Variants in PSG3 observed in about 807,000 individuals in gnomAD.
PSG3 encodes the protein pregnancy-specific beta-1-glycoprotein 3.
PSG3 carries 61 observed loss-of-function variants against 47.5 expected under a neutral mutation model. The observed-to-expected ratio is 1.28, with a 90% CI of 1.05 to 1.59. The LOEUF is 1.59. Ranked by LOEUF, PSG3 falls within the 40% of genes most tolerant of loss-of-function variation. PSG3 has a pLI of 0.00. For missense variants in PSG3, 756 were observed against 524.0 expected (o/e 1.44, Z -4.32); for synonymous variants, 263 against 198.4 (o/e 1.33, Z -2.74).
At position 42,738,872 on chromosome 19, in the gene PSG3, T is replaced by G. The variant is rs369481570; in HGVS notation, c.282A>C (p.Ala94=). 4.8e-5 allele frequency: 77 copies of G among 1,614,054 alleles called. 1 individual carries two copies. In the South Asian group the frequency reaches 6.4e-4, roughly 13 times the overall value. ...AATATACTGTTTCTCGTCCACTGTA[T>G]GCAGGCCCATATATAATTATTTGAC... ...VDGQIIIYGP[A]YSGRETVYSN... The change falls in exon 2 of 7, where the codon GCA becomes GCC. Residue 94 remains alanine, a synonymous_variant. Transcript: ENST00000327495.
Position 42,723,957 on chromosome 19 carries a change from A to T in PSG3, c.*25T>A. On this transcript the variant is annotated 3_prime_UTR_variant, in exon 6 of 7. Transcript: ENST00000327495. The stretch of plus-strand genomic sequence containing the variant: ...GTCATCATACCTGCCAGTCTTCCTG[A>T]AATACAGAAATGACATCACGGCTGC... The T allele has an allele frequency of 1.3e-6, 2 of 1,596,748 alleles. No individual in the cohort carries two copies. The highest frequency in any genetic ancestry group is 1.7e-6 in the Non-Finnish European group (2 of 1,164,182).
At chr19:42,731,540 A>T (rs1315050127) in intron 3 of PSG3, among the ~76,000 whole-genome samples, 3 of 152,012 alleles carry the variant, frequency 2.0e-5, no homozygotes, top group African/African-American at 4.8e-5. Context: ...GCTATTTTCT[A>T]TGTCATCAGA....
rs757137836 is a variant in PSG3, at chr19:42,739,136, G to T, written c.65-47C>A. The T allele has an allele frequency of 3.0e-5, 47 of 1,556,522 alleles. No individual in the cohort carries two copies. The South Asian group carries it at 5.0e-4, about 17-fold the overall frequency. ...AGTCAATATTGAGACCTATGCATTGGGGTGAAAAGATGTGGCCCTGGGTCC... is the reference window on the plus strand; with the variant it reads ...AGTCAATATTGAGACCTATGCATTGTGGTGAAAAGATGTGGCCCTGGGTCC... On this transcript the variant is annotated intron_variant, in intron 1 of 6. Transcript: ENST00000327495.
chr19:42,727,261 C>G (rs1437712129), intron 5 of PSG3, among the ~76,000 whole-genome samples: 2 of 152,084 alleles, frequency 1.3e-5, no homozygotes, highest in African/African-American at 2.4e-5. Context: ...ATGGATAAAT[C>G]GGACTTCATA....
At chr19:42,726,310 T>C (rs1375952957) in intron 5 of PSG3, among the ~76,000 whole-genome samples, 4 of 150,948 alleles carry the variant, frequency 2.6e-5, no homozygotes, top group African/African-American at 9.7e-5. Context: ...TAGGCAAGAA[T>C]TTAAAAAAAG....
chr19:42,725,839 G>A lies in PSG3; in HGVS notation c.1244-1814C>T, dbSNP rs575467233. On this transcript the variant is annotated intron_variant, in intron 5 of 6. Coordinates refer to ENST00000327495, the MANE Select transcript of PSG3 (RefSeq NM_021016.4). ...TAATCACACCACTGTATTCCATCCT[G>A]GGCTGGCCTACAGAGTGAGAGCCTG... Among the ~76,000 whole-genome samples the A allele has an allele frequency of 6.8e-5, 10 of 146,128 alleles. No individual in the cohort carries two copies. In the South Asian group the frequency reaches 1.7e-3, roughly 25 times the overall value.
intron 5 of PSG3, among the ~76,000 whole-genome samples, chr19:42,724,283 A>C (rs765015256): frequency 4.6e-5 from 7 of 152,170 alleles, no homozygotes; most frequent in Non-Finnish European, 1.0e-4. Context: ...GATGTGAGAA[A>C]GGCTGATTGC....
chr19:42,737,066 C>A (rs1443645815), intron 2 of PSG3, among the ~76,000 whole-genome samples: 2 of 152,084 alleles, frequency 1.3e-5, no homozygotes, highest in South Asian at 2.1e-4. Flanking sequence ...GACACCATGG[C>A]AGTGAGCAGT....
At chr19:42,738,298 C>G (rs1223085281) in intron 2 of PSG3, among the ~76,000 whole-genome samples, 1 of 152,208 alleles carries the variant, frequency 6.6e-6, no homozygotes, top group Non-Finnish European at 1.5e-5. Context: ...ACAGGCTCCT[C>G]AGATTTATCT....
At chr19:42,726,530 C>A (rs1969380596) in intron 5 of PSG3, among the ~76,000 whole-genome samples, 1 of 152,054 alleles carries the variant, frequency 6.6e-6, no homozygotes. Context: ...AAAAAAATTT[C>A]AATTTATATT....
chr19:42,728,994 G>T, intron 5 of PSG3, 129 bp downstream of exon 5: 1 of 1,579,220 alleles, frequency 6.3e-7, no homozygotes, highest in Non-Finnish European at 8.6e-7. Context: ...GGGTTCAGGA[G>T]GAGAATTTGG....
chr19:42,725,558 A>C (rs544225130), intron 5 of PSG3, among the ~76,000 whole-genome samples: 17 of 152,308 alleles, frequency 1.1e-4, no homozygotes, highest in South Asian at 8.3e-4. Context: ...TAAAATTCCT[A>C]AAATCAGAAA....
intron 5 of PSG3, among the ~76,000 whole-genome samples, chr19:42,724,874 C>CAT (rs542715083): frequency 0.025 from 3,741 of 150,504 alleles, 165 homozygotes; most frequent in African/African-American, 0.086. Flanking sequence ...CCTCTTTTTC[C>CAT]ATATATATAT....
In PSG3 at chr19:42,729,919, T is replaced by G. The variant is rs1463147523; in HGVS notation, c.847A>C (p.Ser283Arg). 1 of 1,612,076 alleles carries G rather than the reference T, an allele frequency of 6.2e-7. No individual in the cohort carries two copies. Among genetic ancestry groups the G allele is most frequent in the African/African-American group, 1.3e-5 (1 of 74,872 alleles). Residue 283 changes from serine (S) to arginine (R), a missense_variant, in exon 4 of 7, where the codon AGT becomes CGT. By Grantham distance (110) the Ser-to-Arg change is moderately radical. Transcript: ENST00000327495. ...TCAATGGGTCGCTTTACCCTGGGAC[T>G]GACCGGGAGGCTCTGACCATTTAGC... Reference protein sequence around the residue: ...WWLNGQSLPVSPRVKRPIENR... With the variant: ...WWLNGQSLPVRPRVKRPIENR...
chr19:42,737,726 T>G (rs1243609410), intron 2 of PSG3, among the ~76,000 whole-genome samples: 2 of 152,136 alleles, frequency 1.3e-5, no homozygotes, highest in Admixed American at 6.5e-5. Flanking sequence ...GGGTGGGCCT[T>G]TGGCTCCAGA....
At chr19:42,739,259 G>T (rs1412796619) in intron 1 of PSG3, 170 bp from the exon 2 acceptor site, 1 of 1,179,240 alleles carries the variant, frequency 8.5e-7, no homozygotes, top group Admixed American at 2.5e-5. Flanking sequence ...ATGTGTTTGT[G>T]TCCTACTCTC....
intron 3 of PSG3, chr19:42,731,852 T>G (rs2122179300): frequency 6.6e-6 from 1 of 151,436 alleles, no homozygotes; most frequent in African/African-American, 2.5e-5. Flanking sequence ...TTGGTTAAAC[T>G]TATTTCAAAA....
At chr19:42,733,204 C>T in intron 2 of PSG3, 142 bp from the exon 3 acceptor site, 2 of 1,474,866 alleles carry the variant, frequency 1.4e-6, no homozygotes, top group African/African-American at 1.4e-5. Context: ...TGTTACAAGA[C>T]AGATGCATGG....
At chr19:42,725,890 C>CAAAAAAAAAAAAAAAAAAAAAAAAAA (rs200684147) in intron 5 of PSG3, among the ~76,000 whole-genome samples, 17 of 68,030 alleles carry the variant, frequency 2.5e-4, no homozygotes, top group African/African-American at 8.1e-4. Flanking sequence ...CAACAACAAC[C>CAAAAAAAAAAAAAAAAAAAAAAAAAA]AAAAAAAAAA....
Sources: allele counts gnomAD v4.1 joint callset (sites outside exome capture counted in the v4.1 genomes callset), GRCh38; gene constraint gnomAD v4.1.1; transcripts MANE v1.5; gene names NCBI Gene and HGNC (gene_info 2026-07-23, HGNC 2026-07-21).